NFS1: variants seen among roughly 807,000 people sequenced by gnomAD.
NFS1 encodes cysteine desulfurase.
Under a neutral mutation model 57.3 loss-of-function variants are expected in NFS1, and 26 were observed. The observed-to-expected ratio is 0.45, with a 90% confidence interval of 0.33 to 0.63. The LOEUF is 0.63. Ranked by LOEUF, NFS1 falls within the 20% of genes least tolerant of loss-of-function variation. The probability of loss-of-function intolerance (pLI) is 0.02; values close to 1 mark genes in which losing one functional copy is unlikely to be tolerated. For synonymous variants in NFS1, 209 were observed against 216.3 expected, an observed-to-expected ratio of 0.97 and a Z score of 0.30; for missense variants, 505 against 605.8, an observed-to-expected ratio of 0.83 and a Z score of 1.75.
Position 35,680,767 on chromosome 20 carries a change from T to C in NFS1, c.760A>G (p.Ile254Val), listed in dbSNP as rs776694754. Residue 254 changes from isoleucine to valine, a missense_variant, in exon 7 of 13, where the codon ATT becomes GTT. Transcript: ENST00000374092. ...VNDMKIDLMS[I>V]SGHKIYGPKG... ...GGACCGTAGATTTTGTGACCACTAA[T>C]GCTCATGAGATCAATTTTCATGTCA... 1.2e-5 allele frequency: 19 copies of C among 1,570,162 alleles called. No homozygotes were observed. The South Asian group carries it at 2.1e-4, about 17-fold the overall frequency.
chr20:35,686,032 C>T (rs1309235428), intron 5 of NFS1, among the ~76,000 whole-genome samples: 2 of 150,154 alleles, frequency 1.3e-5, no homozygotes, highest in Non-Finnish European at 3.0e-5. Context: ...TGGGTTCAAG[C>T]AATTCTGCTG....
intron 2 of NFS1, 35 bp downstream of exon 2, chr20:35,698,446 C>T (rs2035179414): frequency 1.4e-6 from 2 of 1,470,564 alleles, no homozygotes; most frequent in African/African-American, 1.4e-5. Context: ...TCATTTACTT[C>T]CTATAAGCAG....
In NFS1 at chr20:35,680,855, G is replaced by A; in HGVS notation, c.672C>T (p.Ser224=). 1 of 1,535,326 alleles carries A rather than the reference G, an allele frequency of 6.5e-7. No homozygotes were observed. The highest frequency in any genetic ancestry group is 1.4e-5 in the African/African-American group (1 of 71,462). ...CATCAGTATGGAAATATACCTTTCT[G>A]GAACTGCAAATCCGCCCTGAGGAAA... ...PIAEIGRICS[S]RKVYFHTDAA... is the part of the protein sequence containing the mutation. The change falls in exon 7 of 13, where the codon TCC becomes TCT. Residue 224 remains serine, a synonymous_variant. Transcript: ENST00000374092.
intron 5 of NFS1, among the ~76,000 whole-genome samples, chr20:35,684,668 T>G (rs1287526808): frequency 6.6e-6 from 1 of 151,264 alleles, no homozygotes; most frequent in African/African-American, 2.4e-5. Flanking sequence ...GAGAATCATT[T>G]GAACCCAGGT....
At chr20:35,683,563 A>C (rs909406293) in intron 5 of NFS1, among the ~76,000 whole-genome samples, 2 of 151,678 alleles carry the variant, frequency 1.3e-5, no homozygotes, top group Admixed American at 6.6e-5. Flanking sequence ...GGCGTATCAC[A>C]AAGTCAAGAG....
chr20:35,696,974 C>T (rs1440260551), intron 3 of NFS1, among the ~76,000 whole-genome samples: 3 of 152,242 alleles, frequency 2.0e-5, no homozygotes, highest in South Asian at 2.1e-4. Flanking sequence ...GGTGTGGTGG[C>T]GCATGCCTGT....
chr20:35,684,418 A>C (rs57349548), intron 5 of NFS1, among the ~76,000 whole-genome samples: 272 of 119,090 alleles, frequency 2.3e-3, no homozygotes, highest in East Asian at 0.019. Flanking sequence ...AAATAAATAA[A>C]ATAAAATAAA....
intron 4 of NFS1, chr20:35,694,936 A>G (rs2035107393): frequency 6.6e-6 from 1 of 152,582 alleles, no homozygotes; most frequent in Non-Finnish European, 1.5e-5. Flanking sequence ...GATAGTTCAA[A>G]ATGTTACAGT....
Position 35,669,631 on chromosome 20 carries a change from G to T in NFS1, c.1365C>A (p.Thr455=). ...DGIDLKSIKW[T]QH is the part of the protein sequence containing the mutation. ...TCAGGGCCCTATTCTTCTAGTGTTG[G>T]GTCCACTTGATGCTCTTGAGGTCAA... The change falls in exon 13 of 13, where the codon ACC becomes ACA. Residue 455 remains threonine, a synonymous_variant. Transcript: ENST00000374092. 6.2e-7 allele frequency: 1 copy of T among 1,614,064 alleles called. No homozygotes were observed. Among genetic ancestry groups the T allele is most frequent in the South Asian group, 1.1e-5 (1 of 91,078 alleles).
rs982967029 is a variant in NFS1 at position 35,669,417 on chromosome 20, A to G, written c.*205T>C. 5 of 533,536 alleles carry G rather than the reference A, an allele frequency of 9.4e-6. No homozygotes were observed. Among genetic ancestry groups the G allele is most frequent in the Non-Finnish European group, 1.7e-5 (5 of 293,468 alleles). 33.1% of individuals were successfully genotyped at this position (533,536 alleles called of 1,614,324 possible). On this transcript the variant is annotated 3_prime_UTR_variant, in exon 13 of 13. Coordinates refer to ENST00000374092, the MANE Select transcript of NFS1 (RefSeq NM_021100.5). ...TGTCCACACACTTTAAGACCCGAGA[A>G]GAAATGGGGAGTGCTCCACACCCAA...
intron 4 of NFS1, among the ~76,000 whole-genome samples, chr20:35,691,605 GT>G (rs1170494110): frequency 6.6e-6 from 1 of 151,230 alleles, no homozygotes; most frequent in Non-Finnish European, 1.5e-5. Flanking sequence ...GCCAGGCCCG[GT>G]GGCACGCACC....
chr20:35,688,121 T>C (rs748002099), intron 5 of NFS1, among the ~76,000 whole-genome samples: 26 of 151,970 alleles, frequency 1.7e-4, no homozygotes, highest in Admixed American at 3.3e-4. Flanking sequence ...TGGTGGCACA[T>C]GCCTGTAATC....
intron 5 of NFS1, chr20:35,682,653 G>A (rs1309148036): frequency 6.6e-6 from 1 of 152,352 alleles, no homozygotes; most frequent in Non-Finnish European, 1.5e-5. Flanking sequence ...GCTGGGCCTG[G>A]TGGCACACAC....
chr20:35,691,235 C>G (rs976792711), intron 4 of NFS1, among the ~76,000 whole-genome samples: 1 of 151,990 alleles, frequency 6.6e-6, no homozygotes, highest in Admixed American at 6.6e-5. Flanking sequence ...GAGTTCTACT[C>G]TATATTATTG....
chr20:35,689,150 C>T (rs1295868273), intron 5 of NFS1, among the ~76,000 whole-genome samples: 2 of 152,154 alleles, frequency 1.3e-5, no homozygotes, highest in African/African-American at 4.8e-5. Flanking sequence ...CACATGTGGC[C>T]AGTGGCTCCC....
rs762793834 is a variant in NFS1, at chr20:35,674,627, A to C, written c.949-10T>G. 1 of 1,604,378 alleles carries C rather than the reference A, an allele frequency of 6.2e-7. No individual in the cohort carries two copies. The highest frequency in any genetic ancestry group is 8.5e-7 in the Non-Finnish European group (1 of 1,171,132). On this transcript the variant is annotated splice_polypyrimidine_tract_variant and intron_variant, in intron 8 of 12. Coordinates refer to ENST00000374092, the MANE Select transcript of NFS1 (RefSeq NM_021100.5). ...TTCGCTTGTGGTCATACTAAGGAGC[A>C]GGCAAGGAAGGATTAGGCAGTAACC...
rs2035201762 is a variant in NFS1 at position 35,699,259 on chromosome 20, C to T, written c.30G>A (p.Ala10=). The change falls in exon 1 of 13, where the codon GCG becomes GCA. Residue 10 remains alanine, a synonymous_variant. Transcript: ENST00000374092. This position sits in a 1 kb window ranked among gnomAD's most constrained non-coding sequence, Gnocchi z 4.4. MLLRAAWRR[A]AVAVTAAPGP... ...CTGGAGCCGCTGTCACCGCCACTGC[C>T]GCCCGCCTCCAAGCGGCTCGGAGCA... 2.1e-6 allele frequency: 3 copies of T among 1,423,174 alleles called. No homozygotes were observed. Among genetic ancestry groups the T allele is most frequent in the East Asian group, 5.9e-5 (2 of 34,014 alleles). 88.2% of individuals were successfully genotyped at this position (1,423,174 alleles called of 1,614,324 possible).
chr20:35,680,805 G>T lies in NFS1; in HGVS notation c.722C>A (p.Pro241Gln). Residue 241 changes from proline to glutamine, a missense_variant, in exon 7 of 13, where the codon CCA becomes CAA. Pro to Gln is a moderately conservative substitution (Grantham distance 76). Coordinates refer to ENST00000374092, the MANE Select transcript of NFS1 (RefSeq NM_021100.5). ...TDAAQAVGKI[P>Q]LDVNDMKIDL... Reference sequence around the variant, plus strand: ...AATTTTCATGTCATTGACATCAAGTGGGATTTTTCCAACAGCCTGGGCTGC... The same window carrying T: ...AATTTTCATGTCATTGACATCAAGTTGGATTTTTCCAACAGCCTGGGCTGC... The T allele has an allele frequency of 6.3e-7, 1 of 1,581,632 alleles. No individual in the cohort carries two copies. Among genetic ancestry groups the T allele is most frequent in the Admixed American group, 1.8e-5 (1 of 55,268 alleles).
Position 35,690,418 on chromosome 20 carries a change from G to T in NFS1, c.556C>A (p.Leu186Ile). ...CTGCCAATAGCCACTCCTACCTTTA[G>T]GTCAATGATCCCACTCTTCTGCACT... ...LPVQKSGIID[L>I]KELEAAIQPD... Residue 186 changes from leucine to isoleucine, a missense_variant, in exon 5 of 13, where the codon CTA becomes ATA. Transcript: ENST00000374092. The T allele has an allele frequency of 6.2e-7, 1 of 1,613,004 alleles. No homozygotes were observed. The highest frequency in any genetic ancestry group is 8.5e-7 in the Non-Finnish European group (1 of 1,179,828).
Sources: gnomAD v4.1 joint callset for allele counts (sites outside exome capture counted in the v4.1 genomes callset) on GRCh38, gnomAD v4.1.1 for gene constraint, Gnocchi (gnomAD v3.1) non-coding constraint, MANE v1.5 for transcripts, NCBI Gene and HGNC (gene_info 2026-07-23, HGNC 2026-07-21) for gene names.